The following NUCB2 variants were observed in gnomAD, a reference collection of about 807,000 sequenced individuals.
NUCB2 encodes the protein nucleobindin-2.
NUCB2 carries 48 observed loss-of-function variants against 57.9 expected under a neutral mutation model. That is an observed-to-expected ratio of 0.83 (90% CI 0.66 to 1.05). The LOEUF is 1.05. NUCB2 is among the 50% of genes least tolerant of loss of function. The pLI, the probability that NUCB2 is intolerant of heterozygous loss-of-function variation, is 0.00. For synonymous variants in NUCB2, 139 were observed against 152.1 expected (o/e 0.91, Z 0.64); for missense variants, 442 against 476.2 (o/e 0.93, Z 0.67).
At chr11:17,296,795 C>G (rs959309945) in intron 4 of NUCB2, among the ~76,000 whole-genome samples, 1 of 152,138 alleles carries the variant, frequency 6.6e-6, no homozygotes, top group Non-Finnish European at 1.5e-5. Flanking sequence ...GAATCACAGT[C>G]TCGTTGACAG....
At chr11:17,339,555 A>C (rs1465106263) in intron 2 of NUCB2, among the ~76,000 whole-genome samples, 1 of 122,128 alleles carries the variant, frequency 8.2e-6, no homozygotes, top group Non-Finnish European at 1.6e-5. Context: ...TCCTGTGTCC[A>C]TGTATTCTCA....
At chr11:17,316,885 G>A (rs1591485336) in intron 11 of NUCB2, among the ~76,000 whole-genome samples, 1 of 152,218 alleles carries the variant, frequency 6.6e-6, no homozygotes, top group African/African-American at 2.4e-5. Context: ...TTCCAAGGAT[G>A]TGGAACTTTT....
At chr11:17,345,144 T>A (rs1266592800) in intron 2 of NUCB2, among the ~76,000 whole-genome samples, 2 of 152,026 alleles carry the variant, frequency 1.3e-5, no homozygotes, top group Non-Finnish European at 2.9e-5. Flanking sequence ...TAGTTCTGGA[T>A]GGAAGACCAT....
At chr11:17,287,923 A>G (rs930689056) in intron 2 of NUCB2, among the ~76,000 whole-genome samples, 2 of 152,106 alleles carry the variant, frequency 1.3e-5, no homozygotes, top group African/African-American at 2.4e-5. Context: ...GCTTGAACCC[A>G]GGAGGTGGAG....
At position 17,290,417 on chromosome 11, in the gene NUCB2, C is replaced by T. The variant is rs1471370109; in HGVS notation, c.1-4907C>T. Among the ~76,000 whole-genome samples the T allele has an allele frequency of 2.0e-5, 3 of 151,940 alleles. No homozygotes were observed. The East Asian group carries it at 5.8e-4, about 29-fold the overall frequency. ...GTGGCTAATTACAATTTTCATATTC[C>T]ATTAATTGAGGCTGGGTATAGTAGC... On this transcript the variant is annotated intron_variant, in intron 2 of 13. Transcript: ENST00000529010.
At chr11:17,311,798 T>A in intron 8 of NUCB2, 74 bp from the exon 9 acceptor site, 1 of 1,031,316 alleles carries the variant, frequency 9.7e-7, no homozygotes, top group South Asian at 1.6e-5. Context: ...GTAAACCCTT[T>A]ATAAATCATT....
chr11:17,315,532 T>C (rs1017402535), intron 11 of NUCB2, 57 bp downstream of exon 11: 6 of 1,036,736 alleles, frequency 5.8e-6, no homozygotes, highest in Non-Finnish European at 7.4e-6. Flanking sequence ...CATCAGTCTA[T>C]TCTACTTTTA....
At chr11:17,344,728 C>T (rs1296692545) in intron 2 of NUCB2, among the ~76,000 whole-genome samples, 1 of 152,184 alleles carries the variant, frequency 6.6e-6, no homozygotes, top group Non-Finnish European at 1.5e-5. Context: ...GGGTTATCTT[C>T]TAAAAGATTT....
At chr11:17,336,801 A>G (rs1426268106), downstream of NUCB2, among the ~76,000 whole-genome samples, 2 of 149,430 alleles carry the variant, frequency 1.3e-5, no homozygotes, top group Non-Finnish European at 3.0e-5. Flanking sequence ...TGAGACATAG[A>G]TATATGTTTT....
downstream of NUCB2, among the ~76,000 whole-genome samples, chr11:17,334,885 CAAAA>C (rs375093514): frequency 2.5e-5 from 3 of 121,888 alleles, no homozygotes; most frequent in South Asian, 2.6e-4. Flanking sequence ...GGCTCTATCT[CAAAA>C]AAAAAAAAAA....
intron 4 of NUCB2, among the ~76,000 whole-genome samples, chr11:17,299,686 T>C (rs1259570885): frequency 1.1e-4 from 17 of 152,208 alleles, no homozygotes; most frequent in Admixed American, 5.9e-4. Context: ...GGTGGATTGC[T>C]TGAGCTCAGA....
intron 2 of NUCB2, chr11:17,283,688 G>T (rs1943124560): frequency 6.6e-6 from 1 of 152,146 alleles, no homozygotes; most frequent in South Asian, 2.1e-4. Flanking sequence ...ATAGATGTTT[G>T]TTGTACATTT....
Position 17,315,370 on chromosome 11 carries a change from A to G in NUCB2, c.913-16A>G, listed in dbSNP as rs1207230105. On this transcript the variant is annotated splice_polypyrimidine_tract_variant and intron_variant, in intron 10 of 13. Transcript: ENST00000529010. ...AAGATTTACTTTATATTATGTATAC[A>G]TTTTGTTTTAATCAGGTTGATACTA... 2.1e-6 allele frequency: 3 copies of G among 1,435,840 alleles called. No homozygotes were observed. Among genetic ancestry groups the G allele is most frequent in the African/African-American group, 2.8e-5 (2 of 70,884 alleles). 88.9% of individuals were successfully genotyped at this position (1,435,840 alleles called of 1,614,324 possible).
intron 13 of NUCB2, 41 bp downstream of exon 13, chr11:17,331,024 T>A: frequency 3.3e-6 from 4 of 1,195,950 alleles, no homozygotes; most frequent in Non-Finnish European, 4.9e-6. Context: ...GAAAATAAAT[T>A]ATTTTATCAA....
intron 2 of NUCB2, among the ~76,000 whole-genome samples, chr11:17,339,519 C>CA (rs1306842221): frequency 7.9e-5 from 9 of 113,910 alleles, no homozygotes; most frequent in African/African-American, 3.2e-4. Context: ...ACCCCCACAA[C>CA]AGGCCCCGGT....
chr11:17,348,319 G>GGTTTTTTTTTT (rs1952917777), intron 2 of NUCB2, among the ~76,000 whole-genome samples: 1 of 84,450 alleles, frequency 1.2e-5, no homozygotes, highest in African/African-American at 5.0e-5. Context: ...TTGTTTTTGT[G>GGTTTTTTTTTT]TTTTTTTTTT....
chr11:17,311,415 T>A, intron 8 of NUCB2, 132 bp downstream of exon 8: 1 of 634,236 alleles, frequency 1.6e-6, no homozygotes, highest in Non-Finnish European at 2.7e-6. Context: ...TTTTCTAGGG[T>A]AATATGATAG....
At chr11:17,280,111 G>A (rs1008382541) in intron 1 of NUCB2, among the ~76,000 whole-genome samples, 12 of 151,848 alleles carry the variant, frequency 7.9e-5, no homozygotes, top group Non-Finnish European at 1.2e-4. Flanking sequence ...GTTTTTTTTG[G>A]CAGTGTATTT....
At chr11:17,282,194 CTA>C (rs1942719578) in intron 1 of NUCB2, among the ~76,000 whole-genome samples, 1 of 109,490 alleles carries the variant, frequency 9.1e-6, no homozygotes, top group East Asian at 5.1e-4. Flanking sequence ...AAATCTATAT[CTA>C]TATCTATATA....
Sources: allele counts gnomAD v4.1 joint callset (sites outside exome capture counted in the v4.1 genomes callset), GRCh38; gene constraint gnomAD v4.1.1; transcripts MANE v1.5; gene names NCBI Gene and HGNC (gene_info 2026-07-23, HGNC 2026-07-21).